MCPH1: variants seen among roughly 807,000 people sequenced by gnomAD.
The protein encoded by MCPH1 is microcephalin 1.
MCPH1 carries 104 observed loss-of-function variants against 84.5 expected under a neutral mutation model. The ratio of observed to expected loss-of-function variants is 1.23; its 90% confidence interval spans 1.05 to 1.45. The LOEUF (loss-of-function observed/expected upper bound fraction) is 1.45. Among genes scored for constraint, MCPH1 ranks in the 40% most tolerant of loss-of-function variants. MCPH1 has a pLI of 0.00. For missense variants in MCPH1, 1,498 were observed against 1,005.7 expected, an observed-to-expected ratio of 1.49 and a Z score of -6.62; for synonymous variants, 514 against 366.8, an observed-to-expected ratio of 1.40 and a Z score of -4.58.
intron 8 of MCPH1, chr8:6,446,658 A>C (rs534358623): frequency 1.0e-6 from 1 of 983,792 alleles, no homozygotes; most frequent in South Asian, 4.7e-5. Context: ...AGATGTGTAA[A>C]ATTCTTTGGT....
intron 9 of MCPH1, among the ~76,000 whole-genome samples, chr8:6,466,244 C>A (rs1002272270): frequency 3.3e-5 from 5 of 150,604 alleles, no homozygotes; most frequent in Non-Finnish European, 4.4e-5. Flanking sequence ...TCAAGTGATT[C>A]TCCTGCCTCA....
chr8:6,602,347 G>A (rs1829438902), intron 12 of MCPH1, among the ~76,000 whole-genome samples: 1 of 152,212 alleles, frequency 6.6e-6, no homozygotes, highest in African/African-American at 2.4e-5. Flanking sequence ...TGACATGGAG[G>A]GAAATGAAGG....
intron 9 of MCPH1, among the ~76,000 whole-genome samples, chr8:6,471,086 G>T (rs2442495): frequency 0.94 from 142,685 of 151,992 alleles, 67,244 homozygotes; most frequent in East Asian, 1. Context: ...TGCCTTTTTT[G>T]GGGGGTGACC....
At chr8:6,459,154 TATA>T (rs1281463643) in intron 9 of MCPH1, among the ~76,000 whole-genome samples, 3 of 152,248 alleles carry the variant, frequency 2.0e-5, no homozygotes, top group Admixed American at 1.3e-4. Context: ...AGCCTACAAA[TATA>T]ATGTTAGTAT....
chr8:6,626,475 T>G (rs1420217302), intron 13 of MCPH1: 1 of 149,362 alleles, frequency 6.7e-6, no homozygotes, highest in African/African-American at 6.8e-5. Context: ...TTTTGTTTTG[T>G]TTTTTTTTTT....
At chr8:6,408,448 C>G (rs527737198) in intron 1 of MCPH1, among the ~76,000 whole-genome samples, 6 of 152,174 alleles carry the variant, frequency 3.9e-5, no homozygotes, top group East Asian at 1.9e-4. Context: ...TCTTGAATTC[C>G]TAGCCTCAAG....
At chr8:6,629,803 G>A (rs1797020262) in intron 13 of MCPH1, among the ~76,000 whole-genome samples, 1 of 152,236 alleles carries the variant, frequency 6.6e-6, no homozygotes, top group African/African-American at 2.4e-5. Context: ...TTCTAGGCCA[G>A]AGTCATGCAG....
chr8:6,626,538 TA>T, intron 13 of MCPH1: 5 of 972,628 alleles, frequency 5.1e-6, no homozygotes, highest in Non-Finnish European at 6.0e-6. Context: ...TGGATAAAAA[TA>T]AACGGGAAAA....
intron 12 of MCPH1, among the ~76,000 whole-genome samples, chr8:6,540,579 C>A (rs2129573677): frequency 6.6e-6 from 1 of 152,338 alleles, no homozygotes; most frequent in East Asian, 1.9e-4. Context: ...AAATACAGTG[C>A]AACAGACGTT....
At chr8:6,462,846 C>G (rs1806437637) in intron 9 of MCPH1, among the ~76,000 whole-genome samples, 1 of 152,182 alleles carries the variant, frequency 6.6e-6, no homozygotes, top group Admixed American at 6.5e-5. Flanking sequence ...AAAATGTTAG[C>G]TATTTTCTTC....
intron 12 of MCPH1, among the ~76,000 whole-genome samples, chr8:6,596,733 A>C (rs1828956405): frequency 6.6e-6 from 1 of 152,216 alleles, no homozygotes; most frequent in Non-Finnish European, 1.5e-5. Context: ...CGATGCCAAA[A>C]AACGGTAGAA....
At chr8:6,451,517 A>G (rs1805081781) in intron 8 of MCPH1, among the ~76,000 whole-genome samples, 1 of 152,040 alleles carries the variant, frequency 6.6e-6, no homozygotes, top group Non-Finnish European at 1.5e-5. Context: ...AATGACCTCT[A>G]CAACGATTAC....
chr8:6,434,886 G>A (rs758013297), intron 4 of MCPH1, among the ~76,000 whole-genome samples: 25 of 152,190 alleles, frequency 1.6e-4, no homozygotes, highest in Non-Finnish European at 3.4e-4. Flanking sequence ...AAGTGTTATA[G>A]GTAAAATCGA....
chr8:6,601,543 A>ACACACC (rs1172205807), intron 12 of MCPH1, among the ~76,000 whole-genome samples: 1 of 140,672 alleles, frequency 7.1e-6, no homozygotes, highest in African/African-American at 2.8e-5. Context: ...ACACACACAC[A>ACACACC]CACCCCTACG....
intron 8 of MCPH1, among the ~76,000 whole-genome samples, chr8:6,452,836 C>A (rs1249976070): frequency 6.6e-6 from 1 of 152,188 alleles, no homozygotes; most frequent in African/African-American, 2.4e-5. Flanking sequence ...TTATGGTAGC[C>A]CCAGCCGAAG....
In MCPH1 at chr8:6,409,384, T is replaced by A. The variant is rs759564604; in HGVS notation, c.114+14T>A. On this transcript the variant is annotated intron_variant, in intron 2 of 13. Coordinates refer to ENST00000344683, the MANE Select transcript of MCPH1 (RefSeq NM_024596.5). ...ATGGGGGCAAAGGTAAGACACTTATTTTGCTGTTGATTCATATGACAGTCT... is the reference window on the plus strand; with the variant it reads ...ATGGGGGCAAAGGTAAGACACTTATATTGCTGTTGATTCATATGACAGTCT... The A allele has an allele frequency of 6.3e-7, 1 of 1,581,870 alleles. No individual in the cohort carries two copies. Among genetic ancestry groups the A allele is most frequent in the South Asian group, 1.1e-5 (1 of 90,440 alleles).
intron 9 of MCPH1, among the ~76,000 whole-genome samples, chr8:6,468,703 A>T (rs970333476): frequency 6.7e-6 from 1 of 149,086 alleles, no homozygotes; most frequent in Non-Finnish European, 1.5e-5. Context: ...GACAGTAAGT[A>T]TTGAAAACTG....
At position 6,445,175 on chromosome 8, in the gene MCPH1, C is replaced by A. The variant is rs369806832; in HGVS notation, c.1453C>A (p.Arg485=). ...NFTAKTISSP[R]KTGNGEGRAT... ...CACAGCAAAAACCATCTCCAGTCCT[C>A]GGAAAACTGGAAATGGTGAAGGCCG... is the stretch of plus-strand genomic sequence containing the variant. Residue 485 remains arginine, a synonymous_variant, in exon 8 of 14, where the codon CGG becomes AGG. Coordinates refer to ENST00000344683, the MANE Select transcript of MCPH1 (RefSeq NM_024596.5). 1.9e-6 allele frequency: 3 copies of A among 1,614,104 alleles called. No homozygotes were observed. The Admixed American group carries it at 5.0e-5, about 27-fold the overall frequency.
chr8:6,591,712 GC>G (rs1023501306), intron 12 of MCPH1, among the ~76,000 whole-genome samples: 1 of 152,196 alleles, frequency 6.6e-6, no homozygotes, highest in Non-Finnish European at 1.5e-5. Flanking sequence ...TGGGAAGGTA[GC>G]CCCAAGACAC....
Sources: allele counts gnomAD v4.1 joint callset (sites outside exome capture counted in the v4.1 genomes callset), GRCh38; gene constraint gnomAD v4.1.1; transcripts MANE v1.5; gene names NCBI Gene and HGNC (gene_info 2026-07-23, HGNC 2026-07-21).